CDKL5: variants seen among roughly 807,000 people sequenced by gnomAD.
The protein encoded by CDKL5 is cyclin dependent kinase like 5, also known as cyclin-dependent kinase-like 5.
Under a neutral mutation model 61.7 loss-of-function variants are expected in CDKL5, and 8 were observed. The observed-to-expected ratio is 0.13, with a 90% confidence interval of 0.08 to 0.23. The LOEUF (loss-of-function observed/expected upper bound fraction) is 0.23. Ranked by LOEUF, CDKL5 falls within the 10% of genes least tolerant of loss-of-function variation. The pLI is 1.00. For synonymous variants in CDKL5, 275 were observed against 272.3 expected (o/e 1.01, Z -0.10); for missense variants, 440 against 734.5 (o/e 0.60, Z 4.63).
intron 1 of CDKL5, among the ~76,000 whole-genome samples, chrX:18,437,951 T>C (rs1429930584): frequency 8.9e-6 from 1 of 112,365 alleles, no homozygotes; most frequent in Non-Finnish European, 1.9e-5. Flanking sequence ...TGCCCACTGT[T>C]CCTCTCCACA....
chrX:18,496,653 G>T (rs906971264), intron 1 of CDKL5, among the ~76,000 whole-genome samples: 3 of 111,521 alleles, frequency 2.7e-5, no homozygotes, highest in Non-Finnish European at 5.7e-5. Context: ...TATTTTGATT[G>T]CCTTCAGGGT....
intron 4 of CDKL5, among the ~76,000 whole-genome samples, chrX:18,572,830 A>T (rs973772197): frequency 8.9e-6 from 1 of 112,012 alleles, no homozygotes; most frequent in Non-Finnish European, 1.9e-5. Flanking sequence ...AGAAGAATTG[A>T]GTCCTGTCCT....
chrX:18,471,635 G>A (rs2147064673), intron 1 of CDKL5, among the ~76,000 whole-genome samples: 1 of 112,143 alleles, frequency 8.9e-6, no homozygotes, highest in South Asian at 3.7e-4. Flanking sequence ...GGTCTCCCAA[G>A]CAATCCCCTA....
intron 19 of CDKL5, among the ~76,000 whole-genome samples, chrX:18,645,736 C>T (rs779684390): frequency 3.6e-5 from 4 of 111,193 alleles, no homozygotes; most frequent in Admixed American, 9.6e-5. Flanking sequence ...CGATACTCTT[C>T]GACTTAAAAT....
chrX:18,523,407 A>T (rs1198148132), intron 3 of CDKL5, among the ~76,000 whole-genome samples: 1 of 111,538 alleles, frequency 9.0e-6, no homozygotes, highest in African/African-American at 3.3e-5. Context: ...GATTTCTTTC[A>T]CTTAGCATGA....
At chrX:18,481,799 C>G (rs760878204) in intron 1 of CDKL5, among the ~76,000 whole-genome samples, 5 of 110,877 alleles carry the variant, frequency 4.5e-5, no homozygotes, top group Non-Finnish European at 9.4e-5. Flanking sequence ...TATTCTCAGC[C>G]TTCCTTGCCT....
Position 18,630,239 on chromosome X carries a change from CTT to C in CDKL5, c.*1484_*1485del. ...GACCTATCTTCCCCTCATCTGATCT[CTT>C]TCAGCTCCCAAGTTACTCCCAAGTA... is the stretch of plus-strand genomic sequence containing the variant. On this transcript the variant is annotated 3_prime_UTR_variant, in exon 18 of 18. Coordinates refer to ENST00000623535, the MANE Select transcript of CDKL5 (RefSeq NM_001323289.2). 1 of 753,878 alleles carries C rather than the reference CTT, an allele frequency of 1.3e-6. No individual in the cohort carries two copies. The highest frequency in any genetic ancestry group is 2.3e-5 in the African/African-American group (1 of 43,692). The allele number at this position is 753,878 out of a possible 1,213,427, so 62.1% of individuals were successfully genotyped here.
intron 1 of CDKL5, among the ~76,000 whole-genome samples, chrX:18,458,650 G>A (rs759053763): frequency 7.3e-5 from 8 of 110,325 alleles, no homozygotes; most frequent in Non-Finnish European, 1.5e-4. Flanking sequence ...ACGGGACATC[G>A]AGGCTGCAAT....
chrX:18,547,172 G>A (rs1438699890), intron 3 of CDKL5, among the ~76,000 whole-genome samples: 1 of 112,251 alleles, frequency 8.9e-6, no homozygotes. Flanking sequence ...ATGAATGAAT[G>A]AAGAATGAAT....
intron 6 of CDKL5, among the ~76,000 whole-genome samples, chrX:18,580,916 G>A (rs960592880): frequency 5.4e-5 from 6 of 111,365 alleles, no homozygotes; most frequent in African/African-American, 2.0e-4. Context: ...TCTTGCATTT[G>A]ACTCTCATAG....
intron 3 of CDKL5, among the ~76,000 whole-genome samples, chrX:18,543,927 T>C (rs887643866): frequency 7.1e-5 from 8 of 112,033 alleles, no homozygotes; most frequent in Non-Finnish European, 1.5e-4. Flanking sequence ...GTTTATGAGG[T>C]ACTAGGCAAA....
At chrX:18,624,067 A>T in intron 16 of CDKL5, 1 of 570,238 alleles carries the variant, frequency 1.8e-6, no homozygotes, top group South Asian at 9.1e-5. Flanking sequence ...TGATGACAAC[A>T]GCATGTCTTA....
At position 18,485,787 on chromosome X, in the gene CDKL5, T is replaced by G. The variant is rs141585756; in HGVS notation, c.-162-21148T>G. Among the ~76,000 whole-genome samples, 106 of 112,290 alleles carry G rather than the reference T, an allele frequency of 9.4e-4. 1 individual carries two copies. The East Asian group carries it at 0.018, about 19-fold the overall frequency. ...TAGGTGGTCAGATTTTACAAGTAAA[T>G]AAGTTAGGTTTTGGTTTGGTAACTT... is the stretch of plus-strand genomic sequence containing the variant. On this transcript the variant is annotated intron_variant, in intron 1 of 17. Transcript: ENST00000623535.
At chrX:18,575,711 C>T (rs1450479231) in intron 5 of CDKL5, among the ~76,000 whole-genome samples, 1 of 112,042 alleles carries the variant, frequency 8.9e-6, no homozygotes, top group African/African-American at 3.2e-5. Flanking sequence ...TAAGTTTAAA[C>T]AATATACTGA....
chrX:18,447,665 T>A (rs1931911261), intron 1 of CDKL5, among the ~76,000 whole-genome samples: 1 of 110,774 alleles, frequency 9.0e-6, no homozygotes, highest in Non-Finnish European at 1.9e-5. Context: ...CTTGTATTTC[T>A]TTCCCTCCCT....
chrX:18,564,403 C>A, intron 3 of CDKL5, 74 bp from the exon 4 acceptor site: 1 of 683,089 alleles, frequency 1.5e-6, no homozygotes, highest in South Asian at 2.3e-5. Flanking sequence ...CCAGAATATA[C>A]CCCCAGGCAA....
chrX:18,565,482 T>A (rs983498203), intron 4 of CDKL5, among the ~76,000 whole-genome samples: 8 of 112,034 alleles, frequency 7.1e-5, no homozygotes, highest in African/African-American at 2.6e-4. Context: ...TGAAAAACTA[T>A]GGTCTAAGAG....
At chrX:18,478,182 T>A (rs890218701) in intron 1 of CDKL5, among the ~76,000 whole-genome samples, 1 of 111,475 alleles carries the variant, frequency 9.0e-6, no homozygotes, top group African/African-American at 3.3e-5. Context: ...TTTTGTTGGA[T>A]ATGAAATTCT....
intron 1 of CDKL5, among the ~76,000 whole-genome samples, chrX:18,434,896 C>A (rs1931577571): frequency 8.9e-6 from 1 of 111,875 alleles, no homozygotes; most frequent in Non-Finnish European, 1.9e-5. Flanking sequence ...CCACTGTACT[C>A]CAGCCTGGGC....
Sources: gnomAD v4.1 joint callset for allele counts (sites outside exome capture counted in the v4.1 genomes callset) on GRCh38, gnomAD v4.1.1 for gene constraint, MANE v1.5 for transcripts, NCBI Gene and HGNC (gene_info 2026-07-23, HGNC 2026-07-21) for gene names.